Variants in ITGB5 observed in about 807,000 individuals in gnomAD.
ITGB5 encodes the protein integrin beta-5.
ITGB5 carries 38 observed loss-of-function variants against 84.8 expected under a neutral mutation model. That is an observed-to-expected ratio of 0.45 (90% CI 0.35 to 0.59). ITGB5 has a LOEUF of 0.59. Among genes scored for constraint, ITGB5 ranks in the 20% least tolerant of loss-of-function variants. The pLI, the probability that ITGB5 is intolerant of heterozygous loss-of-function variation, is 0.01. For missense variants in ITGB5, 905 were observed against 1,034.5 expected, an observed-to-expected ratio of 0.87 and a Z score of 1.72; for synonymous variants, 393 against 414.4, an observed-to-expected ratio of 0.95 and a Z score of 0.63.
chr3:124,769,676 T>A, intron 11 of ITGB5: 1 of 152,342 alleles, frequency 6.6e-6, no homozygotes, highest in East Asian at 1.9e-4. Context: ...CTGATGCATG[T>A]CGAGGGCTGA....
intron 5 of ITGB5, among the ~76,000 whole-genome samples, chr3:124,834,753 G>A (rs961915524): frequency 6.6e-6 from 1 of 152,108 alleles, no homozygotes; most frequent in Non-Finnish European, 1.5e-5. Context: ...AGGAATACAG[G>A]AATGGAGTAT....
chr3:124,783,201 T>C (rs2064029963), intron 10 of ITGB5, among the ~76,000 whole-genome samples: 1 of 143,990 alleles, frequency 6.9e-6, no homozygotes, highest in African/African-American at 2.6e-5. Flanking sequence ...TGAGACATGA[T>C]AATTGCTTGA....
chr3:124,875,665 G>T (rs1934277487), intron 1 of ITGB5, among the ~76,000 whole-genome samples: 1 of 152,084 alleles, frequency 6.6e-6, no homozygotes, highest in Non-Finnish European at 1.5e-5. Flanking sequence ...TATAGTCAAA[G>T]AAAATGAAAT....
intron 10 of ITGB5, among the ~76,000 whole-genome samples, chr3:124,786,975 T>C (rs1211840166): frequency 3.3e-5 from 5 of 152,188 alleles, no homozygotes; most frequent in Non-Finnish European, 7.3e-5. Flanking sequence ...TTCCAGCATG[T>C]TATCCTATAA....
At chr3:124,786,352 C>T (rs1049567020) in intron 10 of ITGB5, among the ~76,000 whole-genome samples, 2 of 151,606 alleles carry the variant, frequency 1.3e-5, no homozygotes, top group African/African-American at 4.8e-5. Flanking sequence ...CAGTAGGCTA[C>T]TGAGTGTACC....
chr3:124,805,299 C>T (rs757224488), intron 9 of ITGB5, among the ~76,000 whole-genome samples: 2 of 151,446 alleles, frequency 1.3e-5, no homozygotes, highest in African/African-American at 2.4e-5. Context: ...CTCTCCACCA[C>T]GCCCAGATGA....
intron 9 of ITGB5, among the ~76,000 whole-genome samples, chr3:124,803,976 C>T (rs973519902): frequency 5.3e-5 from 8 of 152,182 alleles, no homozygotes; most frequent in African/African-American, 1.4e-4. Context: ...CAATTAGTGA[C>T]CACAGACCAC....
At chr3:124,834,288 G>C (rs1375295589) in intron 5 of ITGB5, among the ~76,000 whole-genome samples, 1 of 151,854 alleles carries the variant, frequency 6.6e-6, no homozygotes, top group Non-Finnish European at 1.5e-5. Flanking sequence ...ACACTGATGT[G>C]GAATGCTGAT....
intron 9 of ITGB5, among the ~76,000 whole-genome samples, chr3:124,807,539 G>A (rs1325839136): frequency 6.6e-6 from 1 of 152,126 alleles, no homozygotes; most frequent in Non-Finnish European, 1.5e-5. Context: ...CTTAGAAAAG[G>A]CCTTGGTAGC....
chr3:124,789,263 G>A (rs555049406), intron 10 of ITGB5, among the ~76,000 whole-genome samples: 62 of 152,368 alleles, frequency 4.1e-4, no homozygotes, highest in African/African-American at 1.4e-3. Context: ...CTGGATAACT[G>A]TTGCCATGGC....
At chr3:124,800,724 C>T (rs1198765598) in intron 9 of ITGB5, among the ~76,000 whole-genome samples, 3 of 152,040 alleles carry the variant, frequency 2.0e-5, no homozygotes, top group East Asian at 1.9e-4. Flanking sequence ...TGTTTGCTTA[C>T]CCCTCCTTTC....
chr3:124,812,404 GGGAGCAGAC>G (rs1559947000), intron 8 of ITGB5, among the ~76,000 whole-genome samples: 41 of 152,180 alleles, frequency 2.7e-4, no homozygotes, highest in African/African-American at 9.4e-4. Flanking sequence ...TGGAGTGGGT[GGGAGCAGAC>G]TTTATGGCAA....
chr3:124,836,004 C>T (rs1203790514), intron 5 of ITGB5, among the ~76,000 whole-genome samples: 1 of 152,112 alleles, frequency 6.6e-6, no homozygotes, highest in East Asian at 1.9e-4. Flanking sequence ...AAGTCCTCTG[C>T]GAGAAGTGGC....
chr3:124,775,694 T>C (rs2150939445), intron 10 of ITGB5, among the ~76,000 whole-genome samples: 1 of 152,282 alleles, frequency 6.6e-6, no homozygotes, highest in Non-Finnish European at 1.5e-5. Context: ...GGGGAGACCT[T>C]TCATTTTACT....
At chr3:124,887,960 AGGCT>A, upstream of ITGB5, 1 of 229,664 alleles carries the variant, frequency 4.4e-6, no homozygotes, top group Non-Finnish European at 8.8e-6. Flanking sequence ...GCTCTCACTC[AGGCT>A]GGAGTGCACT....
At chr3:124,895,974 C>T (rs901348192) in intron 1 of ITGB5, among the ~76,000 whole-genome samples, 2 of 152,218 alleles carry the variant, frequency 1.3e-5, no homozygotes, top group Admixed American at 6.5e-5. Context: ...TCTATAATTA[C>T]CACTTGCAAA....
intron 2 of ITGB5, among the ~76,000 whole-genome samples, chr3:124,864,225 G>A (rs1334843131): frequency 6.9e-6 from 1 of 145,002 alleles, no homozygotes; most frequent in Non-Finnish European, 1.5e-5. Context: ...TCCTGCCTCA[G>A]CCTCTGGAGT....
chr3:124,849,040 A>C lies in ITGB5; in HGVS notation c.362-482T>G, dbSNP rs200324767. On this transcript the variant is annotated intron_variant, in intron 3 of 14. Transcript: ENST00000296181. ...AGTGATCCACCTACCTCAGCCTCCC[A>C]AAGTGCTGGGATTACAGGTGTGAGC... Among the ~76,000 whole-genome samples the C allele has an allele frequency of 9.2e-5, 14 of 152,194 alleles. No individual in the cohort carries two copies. The East Asian group carries it at 2.5e-3, about 27-fold the overall frequency.
chr3:124,887,637 C>G (rs559541965), upstream of ITGB5: 34 of 442,216 alleles, frequency 7.7e-5, no homozygotes, highest in East Asian at 6.5e-4. Context: ...GAGTAGAGCC[C>G]GCTCCCGTTG....
Sources: gnomAD v4.1 joint callset for allele counts (sites outside exome capture counted in the v4.1 genomes callset) on GRCh38, gnomAD v4.1.1 for gene constraint, MANE v1.5 for transcripts, NCBI Gene and HGNC (gene_info 2026-07-23, HGNC 2026-07-21) for gene names.